Variants in RAD50 observed in about 807,000 individuals in gnomAD.
The protein encoded by RAD50 is RAD50 double strand break repair protein, also known as DNA repair protein RAD50.
RAD50 carries 132 observed loss-of-function variants against 168.8 expected under a neutral mutation model. The ratio of observed to expected loss-of-function variants is 0.78; its 90% CI spans 0.68 to 0.90. The LOEUF (loss-of-function observed/expected upper bound fraction) is 0.90. Ranked by LOEUF, RAD50 falls within the 40% of genes least tolerant of loss-of-function variation. RAD50 has a pLI of 0.00. For synonymous variants in RAD50, 525 were observed against 497.4 expected (o/e 1.06, Z -0.74); for missense variants, 1,347 against 1,534.4 (o/e 0.88, Z 2.04).
intron 4 of RAD50, 139 bp downstream of exon 4, chr5:132,579,641 G>A: frequency 1.1e-6 from 1 of 909,008 alleles, no homozygotes; most frequent in Non-Finnish European, 1.7e-6. Context: ...AGCAACCATT[G>A]GGCATATTTT....
chr5:132,565,691 G>A (rs576921643), intron 2 of RAD50, among the ~76,000 whole-genome samples: 11 of 152,218 alleles, frequency 7.2e-5, no homozygotes, highest in Admixed American at 1.3e-4. Context: ...CAAGAATGCC[G>A]TCTCTACTCT....
rs187295410 is a variant in RAD50, at chr5:132,632,953, A to G, written c.3390-4162A>G. On this transcript the variant is annotated intron_variant, in intron 21 of 24. Coordinates refer to ENST00000378823, the MANE Select transcript of RAD50 (RefSeq NM_005732.4). ...TTTCTTCTCCAAGAATTACCTATTC[A>G]TATCTCTTTGCCAGTTTTTCTACTA... is the stretch of plus-strand genomic sequence containing the variant. Among the ~76,000 whole-genome samples the G allele has an allele frequency of 2.8e-4, 43 of 152,150 alleles. 1 individual carries two copies. Among genetic ancestry groups the G allele is most frequent in the African/African-American group, 1.0e-3 (43 of 41,504 alleles).
chr5:132,624,180 G>A (rs1751332226), intron 21 of RAD50, among the ~76,000 whole-genome samples: 1 of 152,058 alleles, frequency 6.6e-6, no homozygotes. Flanking sequence ...GTCCAAAATG[G>A]CTCATAGAAT....
chr5:132,582,875 C>T (rs1750526864), intron 5 of RAD50, among the ~76,000 whole-genome samples: 1 of 152,062 alleles, frequency 6.6e-6, no homozygotes, highest in African/African-American at 2.4e-5. Context: ...GTTTTGTGCT[C>T]TGAGATTAGA....
At chr5:132,580,456 A>C (rs926946646) in intron 5 of RAD50, among the ~76,000 whole-genome samples, 2 of 152,236 alleles carry the variant, frequency 1.3e-5, no homozygotes, top group African/African-American at 2.4e-5. Flanking sequence ...AATTTGTAGC[A>C]TCACACTAAA....
Position 132,609,125 on chromosome 5 carries a change from T to C in RAD50, c.2838T>C (p.Asp946=), listed in dbSNP as rs1581004591. The C allele has an allele frequency of 3.7e-6, 6 of 1,611,406 alleles. No homozygotes were observed. Among genetic ancestry groups the C allele is most frequent in the Non-Finnish European group, 5.1e-6 (6 of 1,178,990 alleles). The stretch of plus-strand genomic sequence containing the variant: ...TGAATATTTTTCTACAGCTGAATGA[T>C]ATTAAAGAGAAGGTTAAAAATATTC... ...SNKIAQDKLN[D]IKEKVKNIHG... The change falls in exon 18 of 25, where the codon GAT becomes GAC. Residue 946 remains aspartate (D), a synonymous_variant. Transcript: ENST00000378823.
intron 16 of RAD50, 63 bp downstream of exon 16, chr5:132,605,062 T>G: frequency 7.8e-7 from 1 of 1,289,598 alleles, no homozygotes; most frequent in Non-Finnish European, 1.0e-6. Flanking sequence ...ATTTTTATTT[T>G]TTGAGACAGT....
Position 132,611,920 on chromosome 5 carries a change from G to A in RAD50, c.3036+2524G>A, listed in dbSNP as rs112155872. 2.1e-3 allele frequency among the ~76,000 whole-genome samples: 322 copies of A among 152,158 alleles called. 3 individuals are homozygous for A. The highest frequency in any genetic ancestry group is 6.9e-3 in the African/African-American group (285 of 41,522). On this transcript the variant is annotated intron_variant, in intron 19 of 24. Transcript: ENST00000378823. ...CTTGATACGAGGTTCTGTAGAGGGTGGTATGATTGAAGCCTGAAGTAAATG... is the reference window on the plus strand; with the variant it reads ...CTTGATACGAGGTTCTGTAGAGGGTAGTATGATTGAAGCCTGAAGTAAATG...
At chr5:132,638,264 A>G in intron 23 of RAD50, 41 bp downstream of exon 23, 4 of 1,611,822 alleles carry the variant, frequency 2.5e-6, no homozygotes, top group Non-Finnish European at 3.4e-6. Flanking sequence ...TCACCCAAGT[A>G]ACTGAAAGAG....
In RAD50 at chr5:132,618,121, T is replaced by G. The variant is rs1751210240; in HGVS notation, c.3216T>G (p.Asn1072Lys). The G allele has an allele frequency of 6.2e-7, 1 of 1,613,640 alleles. No homozygotes were observed. Among genetic ancestry groups the G allele is most frequent in the Non-Finnish European group, 8.5e-7 (1 of 1,179,854 alleles). Residue 1072 changes from asparagine (N) to lysine (K), a missense_variant, in exon 21 of 25, where the codon AAT becomes AAG. This residue lies in a region of RAD50 where 635 missense variants were observed against 739.2 expected (regional missense o/e 0.86). Transcript: ENST00000378823. ...ENIDNIKRNH[N>K]LALGRQKGYE... ...TAGACAATATAAAAAGAAATCATAA[T>G]TTGGCATTAGGGCGACAGAAAGGTT...
At chr5:132,565,569 A>G (rs1247482853) in intron 2 of RAD50, among the ~76,000 whole-genome samples, 1 of 152,074 alleles carries the variant, frequency 6.6e-6, no homozygotes, top group African/African-American at 2.4e-5. Context: ...CTCTGATACC[A>G]GGTGGCCTCT....
intron 20 of RAD50, 152 bp from the exon 21 acceptor site, chr5:132,617,918 C>A: frequency 5.7e-6 from 4 of 706,320 alleles, no homozygotes; most frequent in South Asian, 3.5e-5. Flanking sequence ...AGTACCAAAG[C>A]CCTAAATAAT....
chr5:132,630,740 A>AT (rs1751448558), intron 21 of RAD50: 1 of 152,266 alleles, frequency 6.6e-6, no homozygotes, highest in Admixed American at 6.5e-5. Context: ...GGAAGGTGAG[A>AT]TATTGGTCTG....
intron 16 of RAD50, among the ~76,000 whole-genome samples, chr5:132,607,259 A>G (rs1224714456): frequency 6.6e-6 from 1 of 152,184 alleles, no homozygotes; most frequent in Non-Finnish European, 1.5e-5. Context: ...CTGCTTGTAC[A>G]GGAGGTTTGT....
chr5:132,558,483 G>C (rs943999387), intron 1 of RAD50, among the ~76,000 whole-genome samples: 6 of 152,270 alleles, frequency 3.9e-5, no homozygotes, highest in Non-Finnish European at 8.8e-5. Context: ...GGCCGAGGCG[G>C]GTGGATCACC....
rs768803229 is a variant in RAD50 at position 132,603,405 on chromosome 5, A to G, written c.2313A>G (p.Gln771=). Residue 771 remains glutamine (Q), a synonymous_variant, in exon 14 of 25, where the codon CAA becomes CAG. Transcript: ENST00000378823. ...IQRLKNDIEE[Q]ETLLGTIMPE... is the part of the protein sequence containing the mutation. The stretch of plus-strand genomic sequence containing the variant: ...GCCTAAAGAACGACATAGAAGAACA[A>G]GAAACACTCTTGGGTACAATAATGC... The G allele has an allele frequency of 8.1e-6, 13 of 1,613,876 alleles. No individual in the cohort carries two copies. Among genetic ancestry groups the G allele is most frequent in the South Asian group, 1.1e-5 (1 of 91,086 alleles).
intron 23 of RAD50, among the ~76,000 whole-genome samples, chr5:132,640,373 T>G (rs758412238): frequency 1.3e-5 from 2 of 152,238 alleles, no homozygotes; most frequent in Non-Finnish European, 2.9e-5. Context: ...TGTCTCTGTT[T>G]CTAGCCTTTG....
chr5:132,593,009 C>A (rs185669325), intron 11 of RAD50: 40 of 393,954 alleles, frequency 1.0e-4, no homozygotes, highest in Middle Eastern at 8.4e-4. Flanking sequence ...AATCATTGAT[C>A]TTCTTCAGTT....
intron 3 of RAD50, among the ~76,000 whole-genome samples, chr5:132,578,619 C>T (rs764277496): frequency 2.7e-5 from 4 of 149,404 alleles, no homozygotes; most frequent in African/African-American, 7.5e-5. Flanking sequence ...GCAACCTCAC[C>T]GAGTTCAAGT....
Sources: allele counts gnomAD v4.1 joint callset (sites outside exome capture counted in the v4.1 genomes callset), GRCh38; gene constraint gnomAD v4.1.1; regional missense constraint gnomAD v4.1.1; transcripts MANE v1.5; gene names NCBI Gene and HGNC (gene_info 2026-07-23, HGNC 2026-07-21).